Variants in FNIP1 observed in about 807,000 individuals in gnomAD.
FNIP1 encodes the protein folliculin-interacting protein 1.
In FNIP1, 40 loss-of-function variants were observed where a neutral mutation model predicts 124.5. The ratio of observed to expected loss-of-function variants is 0.32; its 90% confidence interval spans 0.25 to 0.42. The LOEUF is 0.42. Among genes scored for constraint, FNIP1 ranks in the 10% least tolerant of loss-of-function variants. The pLI, the probability that FNIP1 is intolerant of heterozygous loss-of-function variation, is 1.00. For missense variants in FNIP1, 1,176 were observed against 1,403.7 expected (o/e 0.84, Z 2.59); for synonymous variants, 472 against 470.6 (o/e 1.00, Z -0.04).
At chr5:131,647,535 G>A (rs1438195493) in intron 16 of FNIP1, among the ~76,000 whole-genome samples, 3 of 151,730 alleles carry the variant, frequency 2.0e-5, no homozygotes, top group Non-Finnish European at 4.4e-5. Context: ...AGTGCAAAGC[G>A]CGACCACAGC....
At chr5:131,732,486 C>CT (rs1376496796) in intron 2 of FNIP1, among the ~76,000 whole-genome samples, 1 of 152,018 alleles carries the variant, frequency 6.6e-6, no homozygotes, top group South Asian at 2.1e-4. Flanking sequence ...GTCTTTAATC[C>CT]ATCTTGAATT....
intron 6 of FNIP1, among the ~76,000 whole-genome samples, chr5:131,715,637 G>A (rs575573915): frequency 6.6e-6 from 1 of 151,930 alleles, no homozygotes; most frequent in East Asian, 1.9e-4. Context: ...GTAATCAAAC[G>A]AGTTAAGAAA....
At chr5:131,747,186 G>A (rs1770712845) in intron 1 of FNIP1, among the ~76,000 whole-genome samples, 1 of 152,120 alleles carries the variant, frequency 6.6e-6, no homozygotes, top group African/African-American at 2.4e-5. Context: ...TTTGTCAAAT[G>A]TACAGTTTGT....
chr5:131,659,188 C>T (rs577641666), intron 15 of FNIP1, among the ~76,000 whole-genome samples: 4 of 152,248 alleles, frequency 2.6e-5, no homozygotes, highest in Admixed American at 6.5e-5. Flanking sequence ...GCACCCTGTT[C>T]GCAATGCCAG....
intron 11 of FNIP1, among the ~76,000 whole-genome samples, chr5:131,691,042 A>C (rs1181320176): frequency 6.6e-6 from 1 of 152,184 alleles, no homozygotes; most frequent in East Asian, 1.9e-4. Flanking sequence ...TCATCCAAAA[A>C]CAGGAGAATA....
intron 1 of FNIP1, among the ~76,000 whole-genome samples, chr5:131,769,691 T>C (rs940984003): frequency 6.6e-6 from 1 of 152,254 alleles, no homozygotes; most frequent in African/African-American, 2.4e-5. Context: ...AAGAAATCTG[T>C]TGCCCATGAC....
At chr5:131,741,431 G>C (rs1442691703) in intron 2 of FNIP1, among the ~76,000 whole-genome samples, 1 of 152,012 alleles carries the variant, frequency 6.6e-6, no homozygotes, top group Non-Finnish European at 1.5e-5. Flanking sequence ...AGTTCACTTT[G>C]TATAGAATTT....
At chr5:131,735,572 A>C (rs943497675) in intron 2 of FNIP1, among the ~76,000 whole-genome samples, 1 of 148,718 alleles carries the variant, frequency 6.7e-6, no homozygotes, top group Admixed American at 6.8e-5. Flanking sequence ...ATATTTATAT[A>C]TGTATACATA....
At chr5:131,678,769 C>CA (rs1022376410) in intron 12 of FNIP1, among the ~76,000 whole-genome samples, 4 of 151,832 alleles carry the variant, frequency 2.6e-5, no homozygotes, top group African/African-American at 9.7e-5. Context: ...ATACAACTCA[C>CA]AAAAAAATGG....
At chr5:131,749,282 T>C (rs1032744094) in intron 1 of FNIP1, among the ~76,000 whole-genome samples, 6 of 152,148 alleles carry the variant, frequency 3.9e-5, no homozygotes, top group African/African-American at 1.4e-4. Context: ...GTCCTAGGTT[T>C]TCACAGTCAC....
rs1561647070 is a variant in FNIP1 at position 131,672,247 on chromosome 5, G to GT, written c.2196dup (p.Pro733ThrfsTer4). ...GAAGCAGGCACAATCTTATCTGGAG[G>GT]TTTTTTTTCCACAACCATTCCTGTG... On this transcript the variant is annotated frameshift_variant, in exon 14 of 18. Transcript: ENST00000510461. LOFTEE classifies it high-confidence loss of function. The GT allele has an allele frequency of 6.2e-7, 1 of 1,613,970 alleles. No individual in the cohort carries two copies. The highest frequency in any genetic ancestry group is 8.5e-7 in the Non-Finnish European group (1 of 1,179,978).
chr5:131,732,472 T>A (rs190737857), intron 2 of FNIP1, among the ~76,000 whole-genome samples: 108 of 152,348 alleles, frequency 7.1e-4, no homozygotes, highest in Middle Eastern at 3.4e-3. Flanking sequence ...GGTCTAACAT[T>A]TAAGTCTTTA....
intron 14 of FNIP1, among the ~76,000 whole-genome samples, chr5:131,671,066 T>C (rs945334228): frequency 6.6e-6 from 1 of 152,206 alleles, no homozygotes; most frequent in East Asian, 1.9e-4. Flanking sequence ...GCTAGGTATG[T>C]AATGTTTCTC....
At chr5:131,692,547 A>G (rs1768517151) in intron 11 of FNIP1, among the ~76,000 whole-genome samples, 1 of 152,214 alleles carries the variant, frequency 6.6e-6, no homozygotes, top group African/African-American at 2.4e-5. Flanking sequence ...GACATCTACA[A>G]ACTGATGTTA....
intron 15 of FNIP1, among the ~76,000 whole-genome samples, chr5:131,665,904 T>A (rs1767589756): frequency 6.8e-6 from 1 of 146,756 alleles, no homozygotes; most frequent in African/African-American, 2.5e-5. Flanking sequence ...TAATACTTTT[T>A]TTTTTTTTTT....
intron 2 of FNIP1, among the ~76,000 whole-genome samples, chr5:131,736,263 A>G (rs185538227): frequency 1.3e-5 from 2 of 152,294 alleles, no homozygotes; most frequent in East Asian, 3.9e-4. Context: ...CCAGGCCTTA[A>G]TGTACATTTT....
intron 1 of FNIP1, among the ~76,000 whole-genome samples, chr5:131,773,188 T>C (rs1339261543): frequency 6.6e-6 from 1 of 152,170 alleles, no homozygotes; most frequent in Non-Finnish European, 1.5e-5. Flanking sequence ...AGAAGTAATC[T>C]CCCATATATA....
chr5:131,645,422 C>A (rs1354575543), intron 17 of FNIP1, among the ~76,000 whole-genome samples: 1 of 151,870 alleles, frequency 6.6e-6, no homozygotes, highest in African/African-American at 2.4e-5. Context: ...ATACATCCTA[C>A]CACAAATTTA....
intron 11 of FNIP1, among the ~76,000 whole-genome samples, chr5:131,681,084 C>T (rs1310070507): frequency 1.3e-5 from 2 of 152,168 alleles, no homozygotes; most frequent in Non-Finnish European, 2.9e-5. Context: ...CTCTCCACTT[C>T]CCCAGAAAAT....
Sources: allele counts gnomAD v4.1 joint callset (sites outside exome capture counted in the v4.1 genomes callset), GRCh38; gene constraint gnomAD v4.1.1; transcripts MANE v1.5; gene names NCBI Gene and HGNC (gene_info 2026-07-23, HGNC 2026-07-21).